Variants in CYP27A1 observed in about 807,000 individuals in gnomAD.
The protein encoded by CYP27A1 is sterol 26-hydroxylase, mitochondrial.
CYP27A1 carries 46 observed loss-of-function variants against 58.2 expected under a neutral mutation model. That is an observed-to-expected ratio of 0.79 (90% CI 0.62 to 1.01). The LOEUF (loss-of-function observed/expected upper bound fraction) is 1.01, where lower values mean the gene tolerates loss of function less well. Among genes scored for constraint, CYP27A1 ranks in the 50% least tolerant of loss-of-function variants. The probability of loss-of-function intolerance (pLI) is 0.00; values close to 1 mark genes in which losing one functional copy is unlikely to be tolerated. For synonymous variants in CYP27A1, 274 were observed against 285.1 expected (o/e 0.96, Z 0.39); for missense variants, 704 against 687.0 (o/e 1.02, Z -0.28).
At chr2:218,811,916 G>T (rs1943720024) in intron 2 of CYP27A1, among the ~76,000 whole-genome samples, 1 of 152,162 alleles carries the variant, frequency 6.6e-6, no homozygotes, top group Non-Finnish European at 1.5e-5. Flanking sequence ...GGAAACTGAG[G>T]CACACAGGAG....
At chr2:218,785,670 G>A (rs1436759104) in intron 1 of CYP27A1, among the ~76,000 whole-genome samples, 1 of 152,050 alleles carries the variant, frequency 6.6e-6, no homozygotes, top group Non-Finnish European at 1.5e-5. Flanking sequence ...TAGTAGCAGA[G>A]CCACCTGGTT....
chr2:218,791,919 T>C (rs540570148), intron 1 of CYP27A1, among the ~76,000 whole-genome samples: 9 of 152,216 alleles, frequency 5.9e-5, no homozygotes, highest in Admixed American at 2.0e-4. Context: ...CATTGAAAAA[T>C]GACAATAGAA....
intron 8 of CYP27A1, 27 bp from the exon 9 acceptor site, chr2:218,814,884 C>A (rs1469760581): frequency 6.2e-7 from 1 of 1,614,026 alleles, no homozygotes; most frequent in African/African-American, 1.3e-5. Context: ...ACAATCCACC[C>A]AACCACATGT....
intron 1 of CYP27A1, among the ~76,000 whole-genome samples, chr2:218,783,902 G>A (rs1257941845): frequency 2.0e-5 from 3 of 152,182 alleles, no homozygotes; most frequent in Non-Finnish European, 4.4e-5. Flanking sequence ...CAAGATAAGG[G>A]CCCTGGTTCC....
At chr2:218,813,122 AG>A in intron 5 of CYP27A1, 26 bp downstream of exon 5, 4 of 1,587,434 alleles carry the variant, frequency 2.5e-6, no homozygotes, top group South Asian at 2.3e-5. Context: ...GGGTGAGACC[AG>A]GGGCCCCCAG....
intron 1 of CYP27A1, among the ~76,000 whole-genome samples, chr2:218,787,575 A>G (rs968722070): frequency 3.9e-5 from 6 of 152,162 alleles, no homozygotes; most frequent in Admixed American, 3.3e-4. Flanking sequence ...TCGATCTCCA[A>G]TGCAACAGTG....
chr2:218,805,026 A>G (rs1345660402), intron 1 of CYP27A1, among the ~76,000 whole-genome samples: 2 of 152,174 alleles, frequency 1.3e-5, no homozygotes, highest in Admixed American at 1.3e-4. Context: ...CTATCAGATC[A>G]GGGCCCCACC....
intron 1 of CYP27A1, among the ~76,000 whole-genome samples, chr2:218,790,551 T>C (rs1943482530): frequency 5.9e-5 from 9 of 152,220 alleles, no homozygotes; most frequent in Admixed American, 5.9e-4. Context: ...AACAGCTGCA[T>C]AGATACTTCC....
At chr2:218,786,779 A>G (rs1009692743) in intron 1 of CYP27A1, among the ~76,000 whole-genome samples, 1 of 151,472 alleles carries the variant, frequency 6.6e-6, no homozygotes, top group Non-Finnish European at 1.5e-5. Context: ...ATTTTATGTT[A>G]TCATATTTCT....
chr2:218,801,720 C>CT (rs755305086), intron 1 of CYP27A1, among the ~76,000 whole-genome samples: 20 of 151,860 alleles, frequency 1.3e-4, no homozygotes, highest in Non-Finnish European at 2.5e-4. Flanking sequence ...ATTTATATTT[C>CT]TTTTTTTGTA....
At chr2:218,807,030 CACTGT>C (rs947921071) in intron 1 of CYP27A1, among the ~76,000 whole-genome samples, 2 of 133,360 alleles carry the variant, frequency 1.5e-5, no homozygotes, top group African/African-American at 5.8e-5. Flanking sequence ...GATCTTGGCT[CACTGT>C]AACCTCCTCC....
chr2:218,789,581 T>C (rs1334518264), intron 1 of CYP27A1, among the ~76,000 whole-genome samples: 1 of 152,246 alleles, frequency 6.6e-6, no homozygotes, highest in Non-Finnish European at 1.5e-5. Context: ...AACTTGGTGA[T>C]TGGCACAAGA....
intron 1 of CYP27A1, among the ~76,000 whole-genome samples, chr2:218,802,273 C>A (rs1559389316): frequency 6.6e-6 from 1 of 151,212 alleles, no homozygotes. Flanking sequence ...ATTGCTCCAT[C>A]TGTAAGGGTG....
At chr2:218,786,139 G>T (rs1345833376) in intron 1 of CYP27A1, among the ~76,000 whole-genome samples, 1 of 152,192 alleles carries the variant, frequency 6.6e-6, no homozygotes, top group East Asian at 1.9e-4. Context: ...AAAAATGGCA[G>T]CTCTGTTTTT....
At chr2:218,799,149 A>G (rs1260217576) in intron 1 of CYP27A1, among the ~76,000 whole-genome samples, 4 of 152,098 alleles carry the variant, frequency 2.6e-5, no homozygotes, top group Non-Finnish European at 5.9e-5. Context: ...AACTGCCCCA[A>G]AAAGTTTCTT....
chr2:218,784,324 A>T (rs1943422954), intron 1 of CYP27A1, among the ~76,000 whole-genome samples: 1 of 152,218 alleles, frequency 6.6e-6, no homozygotes, highest in African/African-American at 2.4e-5. Flanking sequence ...TTATGTGATT[A>T]TGGCACTCAA....
chr2:218,798,973 G>A (rs539761774), intron 1 of CYP27A1, among the ~76,000 whole-genome samples: 2 of 152,192 alleles, frequency 1.3e-5, no homozygotes, highest in Non-Finnish European at 2.9e-5. Flanking sequence ...GGTGGGCCTT[G>A]TTCAAGCAGT....
chr2:218,794,378 A>G (rs1943525451), intron 1 of CYP27A1, among the ~76,000 whole-genome samples: 1 of 152,192 alleles, frequency 6.6e-6, no homozygotes, highest in Non-Finnish European at 1.5e-5. Context: ...CAGAGGCCTA[A>G]GGGTCCCCGG....
In CYP27A1 at chr2:218,782,282, G is replaced by A. The variant is rs771972905; in HGVS notation, c.100G>A (p.Ala34Thr). ...CAGAGCCAAGGCCGCGATCCCTGCC[G>A]CCCTCCCCTCGGACAAGGCCACCGG... ...GARAKAAIPA[A>T]LPSDKATGAP... The change falls in exon 1 of 9, where the codon GCC becomes ACC. Residue 34 changes from alanine (A) to threonine (T), a missense_variant. Ala to Thr is a moderately conservative substitution (Grantham distance 58). Coordinates refer to ENST00000258415, the MANE Select transcript of CYP27A1 (RefSeq NM_000784.4). This position sits in a 1 kb window ranked among gnomAD's most constrained non-coding sequence, Gnocchi z 4.1. 4.4e-6 allele frequency: 7 copies of A among 1,586,960 alleles called. No individual in the cohort carries two copies. In the Admixed American group the frequency reaches 1.2e-4, roughly 28 times the overall value.
Sources: gnomAD v4.1 joint callset for allele counts (sites outside exome capture counted in the v4.1 genomes callset) on GRCh38, gnomAD v4.1.1 for gene constraint, Gnocchi (gnomAD v3.1) non-coding constraint, MANE v1.5 for transcripts, NCBI Gene and HGNC (gene_info 2026-07-23, HGNC 2026-07-21) for gene names.